The following PCDH9 variants were observed in gnomAD, a reference collection of about 807,000 sequenced individuals.
PCDH9 encodes the protein protocadherin-9.
In PCDH9, 24 loss-of-function variants were observed where a neutral mutation model predicts 70.6. The observed-to-expected ratio is 0.34, with a 90% CI of 0.25 to 0.48. The LOEUF (loss-of-function observed/expected upper bound fraction) is 0.48. Ranked by LOEUF, PCDH9 falls within the 20% of genes least tolerant of loss-of-function variation. The pLI is 0.99. For synonymous variants in PCDH9, 562 were observed against 558.5 expected (o/e 1.01, Z -0.09); for missense variants, 1,281 against 1,503.6 (o/e 0.85, Z 2.45).
At chr13:66,789,233 A>G (rs1003214301) in intron 3 of PCDH9, among the ~76,000 whole-genome samples, 1 of 152,158 alleles carries the variant, frequency 6.6e-6, no homozygotes, top group Non-Finnish European at 1.5e-5. Flanking sequence ...GTGAAATGTG[A>G]CAAAATTGAG....
intron 4 of PCDH9, among the ~76,000 whole-genome samples, chr13:66,421,768 A>C (rs1025103827): frequency 5.3e-5 from 8 of 152,226 alleles, no homozygotes; most frequent in African/African-American, 1.9e-4. Context: ...GGGGAAAATA[A>C]CCAGCTAGCA....
intron 4 of PCDH9, among the ~76,000 whole-genome samples, chr13:66,613,055 G>A (rs2077312022): frequency 6.6e-6 from 1 of 152,078 alleles, no homozygotes; most frequent in Admixed American, 6.5e-5. Flanking sequence ...TCAGACTTCT[G>A]AGGGTGGGGG....
chr13:66,503,674 T>C (rs1055321715), intron 4 of PCDH9, among the ~76,000 whole-genome samples: 3 of 152,184 alleles, frequency 2.0e-5, no homozygotes, highest in African/African-American at 7.2e-5. Flanking sequence ...CCCACCTCAG[T>C]GTAAGATCCA....
chr13:66,312,750 T>G (rs1955585665), intron 4 of PCDH9, among the ~76,000 whole-genome samples: 1 of 152,234 alleles, frequency 6.6e-6, no homozygotes, highest in Admixed American at 6.5e-5. Flanking sequence ...CATTTGTGAA[T>G]GCATCTGCAG....
intron 4 of PCDH9, among the ~76,000 whole-genome samples, chr13:66,542,450 C>T (rs755800451): frequency 1.4e-4 from 22 of 151,770 alleles, no homozygotes; most frequent in Non-Finnish European, 3.2e-4. Flanking sequence ...CTTGTCCAAT[C>T]AGTCGAGGGC....
At chr13:66,404,788 C>A (rs1262618145) in intron 4 of PCDH9, among the ~76,000 whole-genome samples, 1 of 147,700 alleles carries the variant, frequency 6.8e-6, no homozygotes, top group Non-Finnish European at 1.5e-5. Flanking sequence ...TGCCTTTTTC[C>A]CCCCTTTCTA....
At chr13:66,683,130 G>T (rs1282840149) in intron 3 of PCDH9, among the ~76,000 whole-genome samples, 1 of 152,074 alleles carries the variant, frequency 6.6e-6, no homozygotes, top group Non-Finnish European at 1.5e-5. Flanking sequence ...AAGGTGAGTG[G>T]CTTATAAAGC....
chr13:66,783,230 T>C (rs1246450276), intron 3 of PCDH9, among the ~76,000 whole-genome samples: 1 of 152,148 alleles, frequency 6.6e-6, no homozygotes, highest in East Asian at 1.9e-4. Context: ...TTCTTTTCTT[T>C]TTTGCTTTTG....
At chr13:66,747,613 A>C (rs947557956) in intron 3 of PCDH9, among the ~76,000 whole-genome samples, 1 of 152,132 alleles carries the variant, frequency 6.6e-6, no homozygotes, top group Non-Finnish European at 1.5e-5. Flanking sequence ...TCTTCCAAAA[A>C]TGTGTGTATT....
intron 3 of PCDH9, among the ~76,000 whole-genome samples, chr13:66,884,354 T>C (rs1255936851): frequency 6.6e-6 from 1 of 152,162 alleles, no homozygotes. Context: ...ATATAGTAAT[T>C]AGCACATCGC....
intron 3 of PCDH9, among the ~76,000 whole-genome samples, chr13:66,701,278 TACAC>T (rs199590242): frequency 6.6e-6 from 1 of 151,502 alleles, no homozygotes; most frequent in Non-Finnish European, 1.5e-5. Flanking sequence ...TATATATATA[TACAC>T]ACACACGCAC....
intron 3 of PCDH9, among the ~76,000 whole-genome samples, chr13:66,769,814 T>C (rs752243569): frequency 7.2e-5 from 11 of 152,130 alleles, no homozygotes; most frequent in Non-Finnish European, 1.3e-4. Flanking sequence ...CTCATATTTT[T>C]ACAGTTGTGG....
intron 4 of PCDH9, among the ~76,000 whole-genome samples, chr13:66,418,055 G>T (rs1380087623): frequency 1.3e-5 from 2 of 152,068 alleles, no homozygotes; most frequent in African/African-American, 4.8e-5. Context: ...AATTGCTTTT[G>T]GTGTTTTAGT....
At chr13:66,702,074 A>G (rs2078654846) in intron 3 of PCDH9, among the ~76,000 whole-genome samples, 1 of 152,176 alleles carries the variant, frequency 6.6e-6, no homozygotes, top group Non-Finnish European at 1.5e-5. Flanking sequence ...AATATTTATT[A>G]TGTTCATTTT....
At chr13:66,639,707 T>C (rs908676624) in intron 3 of PCDH9, among the ~76,000 whole-genome samples, 8 of 152,210 alleles carry the variant, frequency 5.3e-5, no homozygotes, top group Admixed American at 2.0e-4. Flanking sequence ...TCAACTTCCC[T>C]TTATGGTTTG....
chr13:66,745,425 G>T (rs2079345879), intron 3 of PCDH9, among the ~76,000 whole-genome samples: 1 of 152,148 alleles, frequency 6.6e-6, no homozygotes, highest in Non-Finnish European at 1.5e-5. Context: ...ATGGTAAATT[G>T]CGCCTGACCA....
In PCDH9 at chr13:66,379,737, G is replaced by A. The variant is rs147043725; in HGVS notation, c.3341-74709C>T. Among the ~76,000 whole-genome samples the A allele has an allele frequency of 1.7e-4, 26 of 152,188 alleles. 1 individual carries two copies. The highest frequency in any genetic ancestry group is 5.3e-4 in the African/African-American group (22 of 41,512). On this transcript the variant is annotated intron_variant, in intron 4 of 4. Transcript: ENST00000377865. ...ATAGTATCTTAGTAGTTTGAGTGCC[G>A]TGTTTAAACGATAAAAAGTTTAAAA...
chr13:67,092,648 C>A (rs1028223802), intron 2 of PCDH9, among the ~76,000 whole-genome samples: 5 of 152,128 alleles, frequency 3.3e-5, no homozygotes, highest in Non-Finnish European at 7.4e-5. Flanking sequence ...TAGTAGCATA[C>A]CTTGTTTGCT....
intron 2 of PCDH9, among the ~76,000 whole-genome samples, chr13:67,000,374 T>G (rs2084216979): frequency 6.6e-6 from 1 of 150,986 alleles, no homozygotes; most frequent in South Asian, 2.1e-4. Context: ...GAGATACACC[T>G]AATGCTAAAT....
Sources: allele counts gnomAD v4.1 joint callset (sites outside exome capture counted in the v4.1 genomes callset), GRCh38; gene constraint gnomAD v4.1.1; transcripts MANE v1.5; gene names NCBI Gene and HGNC (gene_info 2026-07-23, HGNC 2026-07-21).